NIM1K: variants seen among roughly 807,000 people sequenced by gnomAD.
The protein encoded by NIM1K is serine/threonine-protein kinase NIM1.
NIM1K carries 35 observed loss-of-function variants against 37.1 expected under a neutral mutation model. The observed-to-expected ratio is 0.94, with a 90% CI of 0.72 to 1.25. The LOEUF (loss-of-function observed/expected upper bound fraction) is 1.25, where lower values mean the gene tolerates loss of function less well. Ranked by LOEUF, NIM1K falls within the 50% of genes most tolerant of loss-of-function variation. NIM1K has a pLI of 0.00. For synonymous variants in NIM1K, 234 were observed against 206.6 expected, an observed-to-expected ratio of 1.13 and a Z score of -1.14; for missense variants, 564 against 548.0, an observed-to-expected ratio of 1.03 and a Z score of -0.29.
intron 1 of NIM1K, among the ~76,000 whole-genome samples, chr5:43,237,335 A>G (rs1410799715): frequency 6.6e-6 from 1 of 152,232 alleles, no homozygotes; most frequent in Admixed American, 6.5e-5. Context: ...ATGCATTGCT[A>G]TATAGCAACA....
chr5:43,252,777 G>A (rs954212889), intron 2 of NIM1K, among the ~76,000 whole-genome samples: 2 of 152,040 alleles, frequency 1.3e-5, no homozygotes, highest in Non-Finnish European at 2.9e-5. Flanking sequence ...CATAAGAGAT[G>A]ATACACTTAG....
intron 2 of NIM1K, among the ~76,000 whole-genome samples, chr5:43,255,624 C>A (rs1752931634): frequency 6.6e-6 from 1 of 151,832 alleles, no homozygotes; most frequent in African/African-American, 2.4e-5. Context: ...TGGTGTGCAC[C>A]TTTAGTCTCA....
intron 2 of NIM1K, among the ~76,000 whole-genome samples, chr5:43,270,576 A>G (rs1008254840): frequency 6.6e-6 from 1 of 152,230 alleles, no homozygotes; most frequent in Admixed American, 6.5e-5. Flanking sequence ...AAAAGAAGCC[A>G]TGAAAGAGTT....
chr5:43,225,772 CTGCT>C (rs1561079036), intron 1 of NIM1K: 1 of 153,718 alleles, frequency 6.5e-6, no homozygotes, highest in African/African-American at 2.4e-5. Flanking sequence ...GGCCAGAAAA[CTGCT>C]TGTTATCTTC....
At chr5:43,209,649 C>T (rs545296400) in intron 1 of NIM1K, among the ~76,000 whole-genome samples, 2 of 151,926 alleles carry the variant, frequency 1.3e-5, no homozygotes, top group Non-Finnish European at 2.9e-5. Flanking sequence ...CACAGAGTCT[C>T]GCTCTGTTGC....
chr5:43,213,283 TC>T (rs1752244166), intron 1 of NIM1K, among the ~76,000 whole-genome samples: 1 of 18,878 alleles, frequency 5.3e-5, no homozygotes, highest in Admixed American at 9.1e-4. Flanking sequence ...CTTTCTTGTT[TC>T]CTTTCCTTTT....
chr5:43,257,629 G>C (rs111988952), intron 2 of NIM1K, among the ~76,000 whole-genome samples: 1 of 152,042 alleles, frequency 6.6e-6, no homozygotes, highest in Non-Finnish European at 1.5e-5. Context: ...GGTATTACAG[G>C]CGTGAGCCAC....
At chr5:43,221,290 C>T (rs1752377505) in intron 1 of NIM1K, among the ~76,000 whole-genome samples, 1 of 151,418 alleles carries the variant, frequency 6.6e-6, no homozygotes, top group Non-Finnish European at 1.5e-5. Flanking sequence ...GCTTGGCCAA[C>T]ATAATGAAAC....
chr5:43,210,479 C>T (rs1752187448), intron 1 of NIM1K, among the ~76,000 whole-genome samples: 1 of 152,090 alleles, frequency 6.6e-6, no homozygotes, highest in Non-Finnish European at 1.5e-5. Flanking sequence ...CACATAAAAA[C>T]TTATACTACA....
At position 43,192,423 on chromosome 5, in the gene NIM1K, G is replaced by T. The variant is rs1363818229; in HGVS notation, c.-695+12G>T. 1 of 152,340 alleles carries T rather than the reference G, an allele frequency of 6.6e-6. No individual in the cohort carries two copies. The highest frequency in any genetic ancestry group is 2.4e-5 in the African/African-American group (1 of 41,468). 9.4% of individuals were successfully genotyped at this position (152,340 alleles called of 1,614,324 possible). On this transcript the variant is annotated intron_variant, in intron 1 of 3. Transcript: ENST00000326035. ...GCCTCGCCACGAAGGTAAGCGAGGG[G>T]CTGGGGGACTCGCCGCCAGCACCCC... is the stretch of plus-strand genomic sequence containing the variant.
chr5:43,198,872 G>A (rs116378647), intron 1 of NIM1K, among the ~76,000 whole-genome samples: 3,698 of 152,024 alleles, frequency 0.024, 63 homozygotes, highest in Middle Eastern at 0.086. Context: ...CACCTTTTAG[G>A]GCTGTTGTAA....
At chr5:43,273,347 G>A (rs966886512) in intron 2 of NIM1K, among the ~76,000 whole-genome samples, 1 of 152,032 alleles carries the variant, frequency 6.6e-6, no homozygotes, top group Non-Finnish European at 1.5e-5. Flanking sequence ...AGAATTACAG[G>A]CGGCTGCCAC....
At chr5:43,276,473 T>A (rs1014158446) in intron 2 of NIM1K, among the ~76,000 whole-genome samples, 1 of 152,248 alleles carries the variant, frequency 6.6e-6, no homozygotes, top group African/African-American at 2.4e-5. Context: ...TCAGCCTCCA[T>A]GACCCAAACA....
intron 1 of NIM1K, among the ~76,000 whole-genome samples, chr5:43,203,633 G>C (rs1752065822): frequency 6.6e-6 from 1 of 152,048 alleles, no homozygotes; most frequent in South Asian, 2.1e-4. Context: ...TTTGGCTAAG[G>C]TTTTTCTTTT....
intron 1 of NIM1K, among the ~76,000 whole-genome samples, chr5:43,214,314 T>C (rs1168894108): frequency 8.4e-6 from 1 of 118,914 alleles, no homozygotes; most frequent in African/African-American, 3.2e-5. Flanking sequence ...AATATCATCA[T>C]CAACAATAAA....
At chr5:43,243,223 A>G (rs1385941520) in intron 1 of NIM1K, among the ~76,000 whole-genome samples, 1 of 152,228 alleles carries the variant, frequency 6.6e-6, no homozygotes, top group Non-Finnish European at 1.5e-5. Context: ...GATCAAAGTG[A>G]TCAAAAGTAC....
chr5:43,247,439 A>G (rs1199292056), intron 2 of NIM1K, among the ~76,000 whole-genome samples: 2 of 152,242 alleles, frequency 1.3e-5, no homozygotes, highest in African/African-American at 2.4e-5. Flanking sequence ...CCAAAGATCA[A>G]CTAAAGTATC....
chr5:43,214,417 G>C (rs943596553), intron 1 of NIM1K, among the ~76,000 whole-genome samples: 1 of 151,952 alleles, frequency 6.6e-6, no homozygotes, highest in African/African-American at 2.4e-5. Context: ...GCAACAACTG[G>C]GCCTTCATTT....
intron 1 of NIM1K, among the ~76,000 whole-genome samples, chr5:43,213,306 T>C (rs1227558223): frequency 7.2e-6 from 1 of 139,638 alleles, no homozygotes; most frequent in Non-Finnish European, 1.5e-5. Flanking sequence ...TTTTCTTTTC[T>C]TTTCTTTTCT....
Sources: allele counts gnomAD v4.1 joint callset (sites outside exome capture counted in the v4.1 genomes callset), GRCh38; gene constraint gnomAD v4.1.1; transcripts MANE v1.5; gene names NCBI Gene and HGNC (gene_info 2026-07-23, HGNC 2026-07-21).